Variants in NTNG1 observed in about 807,000 individuals in gnomAD.
The protein encoded by NTNG1 is netrin G1.
Under a neutral mutation model 54.0 loss-of-function variants are expected in NTNG1, and 16 were observed. The ratio of observed to expected loss-of-function variants is 0.30; its 90% CI spans 0.20 to 0.45. The LOEUF (loss-of-function observed/expected upper bound fraction) is 0.45, where lower values mean the gene tolerates loss of function less well. NTNG1 is among the 20% of genes least tolerant of loss of function. The pLI, the probability that NTNG1 is intolerant of heterozygous loss-of-function variation, is 1.00. For synonymous variants in NTNG1, 255 were observed against 263.1 expected, an observed-to-expected ratio of 0.97 and a Z score of 0.30; for missense variants, 530 against 678.7, an observed-to-expected ratio of 0.78 and a Z score of 2.43.
intron 2 of NTNG1, among the ~76,000 whole-genome samples, chr1:107,164,420 G>A (rs1203413507): frequency 6.6e-6 from 1 of 152,190 alleles, no homozygotes; most frequent in Non-Finnish European, 1.5e-5. Flanking sequence ...ACCATTGGGT[G>A]ATAAAAGTAA....
At chr1:107,412,076 C>T (rs892507614) in intron 5 of NTNG1, among the ~76,000 whole-genome samples, 5 of 145,148 alleles carry the variant, frequency 3.4e-5, no homozygotes, top group African/African-American at 1.3e-4. Context: ...AGCATTTTCC[C>T]AGGTGACTTT....
At chr1:107,240,211 T>A (rs553224846) in intron 2 of NTNG1, among the ~76,000 whole-genome samples, 3 of 152,158 alleles carry the variant, frequency 2.0e-5, no homozygotes, top group Non-Finnish European at 4.4e-5. Context: ...TCTTGCAGCA[T>A]AATGCCGTAC....
chr1:107,191,131 A>C (rs1657888047), intron 2 of NTNG1, among the ~76,000 whole-genome samples: 2 of 152,196 alleles, frequency 1.3e-5, no homozygotes, highest in South Asian at 4.1e-4. Context: ...AACCGGTGTG[A>C]GATGATATCT....
chr1:107,386,810 T>G (rs1672029746), intron 3 of NTNG1, among the ~76,000 whole-genome samples: 1 of 152,212 alleles, frequency 6.6e-6, no homozygotes, highest in African/African-American at 2.4e-5. Flanking sequence ...GCCAGACTAT[T>G]TTGCAAAATG....
chr1:107,298,017 C>T (rs1422176326), intron 2 of NTNG1, among the ~76,000 whole-genome samples: 1 of 151,922 alleles, frequency 6.6e-6, no homozygotes, highest in Non-Finnish European at 1.5e-5. Flanking sequence ...ATCAGCCATA[C>T]CCAGAATACT....
intron 3 of NTNG1, among the ~76,000 whole-genome samples, chr1:107,338,492 C>T (rs1316228424): frequency 1.3e-5 from 2 of 151,886 alleles, no homozygotes; most frequent in South Asian, 2.1e-4. Context: ...ATGTCCTTGA[C>T]CCAAGACTCT....
At chr1:107,188,522 A>T (rs1474709082) in intron 2 of NTNG1, among the ~76,000 whole-genome samples, 2 of 152,188 alleles carry the variant, frequency 1.3e-5, no homozygotes, top group African/African-American at 4.8e-5. Context: ...GTGCACATGT[A>T]ATTAATTTTG....
intron 2 of NTNG1, among the ~76,000 whole-genome samples, chr1:107,305,355 A>G (rs1666619474): frequency 6.6e-6 from 1 of 152,204 alleles, no homozygotes; most frequent in African/African-American, 2.4e-5. Context: ...TCCCACCAAC[A>G]GTGTAATAGC....
At chr1:107,366,612 C>T (rs1670607595) in intron 3 of NTNG1, among the ~76,000 whole-genome samples, 2 of 152,196 alleles carry the variant, frequency 1.3e-5, no homozygotes, top group East Asian at 3.9e-4. Flanking sequence ...TAAAGGTACT[C>T]GAAAGGAGAA....
intron 3 of NTNG1, among the ~76,000 whole-genome samples, chr1:107,355,141 A>G (rs867262851): frequency 4.0e-5 from 6 of 151,564 alleles, no homozygotes. Flanking sequence ...ATCATTTTTG[A>G]TAGTCTCTGA....
chr1:107,427,808 T>C (rs184367241), intron 5 of NTNG1, among the ~76,000 whole-genome samples: 59 of 152,264 alleles, frequency 3.9e-4, no homozygotes, highest in Non-Finnish European at 7.1e-4. Flanking sequence ...CTGAACATGA[T>C]TTCTTATACA....
intron 2 of NTNG1, among the ~76,000 whole-genome samples, chr1:107,179,213 T>C (rs1012025626): frequency 1.3e-5 from 2 of 152,178 alleles, no homozygotes; most frequent in African/African-American, 4.8e-5. Context: ...TAATAATGAG[T>C]GTCCAGCTGG....
chr1:107,387,295 TC>T, intron 3 of NTNG1, among the ~76,000 whole-genome samples: 1 of 152,202 alleles, frequency 6.6e-6, no homozygotes, highest in East Asian at 1.9e-4. Context: ...TTAGTGCTAG[TC>T]CAGTTTGGGC....
At chr1:107,152,372 A>G (rs1654643098) in intron 2 of NTNG1, among the ~76,000 whole-genome samples, 1 of 152,222 alleles carries the variant, frequency 6.6e-6, no homozygotes, top group South Asian at 2.1e-4. Context: ...AAGAGCAGAG[A>G]GGATGATCTG....
At chr1:107,225,884 G>C (rs938188745) in intron 2 of NTNG1, among the ~76,000 whole-genome samples, 1 of 152,070 alleles carries the variant, frequency 6.6e-6, no homozygotes, top group Non-Finnish European at 1.5e-5. Flanking sequence ...AGCCACTGGG[G>C]ACAATCACAC....
rs71275980 is a variant in NTNG1 at position 107,280,853 on chromosome 1, CTTATTTTATTTTATTTTATT to C, written c.247-43397_247-43378del. Among the ~76,000 whole-genome samples, 120 of 145,230 alleles carry C rather than the reference CTTATTTTATTTTATTTTATT, an allele frequency of 8.3e-4. 1 individual carries two copies. In the East Asian group the frequency reaches 0.013, roughly 16 times the overall value. The stretch of plus-strand genomic sequence containing the variant: ...ATTTATTTCACAAACAGTCCTCTGA[CTTATTTTATTTTATTTTATT>C]TTATTTTATTTTATTTTATTTTATT... On this transcript the variant is annotated intron_variant, in intron 2 of 7. Transcript: ENST00000370068.
intron 2 of NTNG1, among the ~76,000 whole-genome samples, chr1:107,159,243 T>C (rs1655228242): frequency 6.6e-6 from 1 of 152,190 alleles, no homozygotes; most frequent in African/African-American, 2.4e-5. Flanking sequence ...TTAGAAAGAC[T>C]AATCTTATAT....
chr1:107,274,236 G>A (rs1253999562), intron 2 of NTNG1, among the ~76,000 whole-genome samples: 1 of 152,180 alleles, frequency 6.6e-6, no homozygotes, highest in Non-Finnish European at 1.5e-5. Context: ...GGGAAAAAAA[G>A]TAACATGATG....
intron 2 of NTNG1, among the ~76,000 whole-genome samples, chr1:107,293,066 A>G (rs1364526497): frequency 6.6e-6 from 1 of 152,148 alleles, no homozygotes; most frequent in East Asian, 1.9e-4. Flanking sequence ...TGATAACACT[A>G]TAAGTATTAA....
Sources: allele counts gnomAD v4.1 joint callset (sites outside exome capture counted in the v4.1 genomes callset), GRCh38; gene constraint gnomAD v4.1.1; transcripts MANE v1.5; gene names NCBI Gene and HGNC (gene_info 2026-07-23, HGNC 2026-07-21).